COL4A2: variants seen among roughly 807,000 people sequenced by gnomAD.
COL4A2 encodes the protein collagen type IV alpha 2 chain.
In COL4A2, 99 loss-of-function variants were observed where a neutral mutation model predicts 200.2. The observed-to-expected ratio is 0.49, with a 90% CI of 0.42 to 0.58. COL4A2 has a LOEUF of 0.58. Ranked by LOEUF, COL4A2 falls within the 20% of genes least tolerant of loss-of-function variation. The probability of loss-of-function intolerance (pLI) is 0.00; values close to 1 mark genes in which losing one functional copy is unlikely to be tolerated. For synonymous variants in COL4A2, 897 were observed against 900.6 expected (o/e 1.00, Z 0.07); for missense variants, 1,950 against 2,314.1 (o/e 0.84, Z 3.23).
chr13:110,508,419 C>T lies in COL4A2; in HGVS notation c.4881+198C>T, dbSNP rs1883963812. The T allele has an allele frequency of 2.4e-6, 2 of 836,380 alleles. No individual in the cohort carries two copies. Among genetic ancestry groups the T allele is most frequent in the African/African-American group, 3.4e-5 (2 of 58,154 alleles). The allele number at this position is 836,380 out of a possible 1,614,324, so 51.8% of individuals were successfully genotyped here. A position where few individuals can be genotyped will look rare whatever the true frequency, so the allele number is the denominator to read the frequency against. Reference sequence around the variant, plus strand: ...GAGCCACATGCTGGGCACAGGGCTTCCTCCACCCAGAAAGGGCTCATTAAT... The same window carrying T: ...GAGCCACATGCTGGGCACAGGGCTTTCTCCACCCAGAAAGGGCTCATTAAT... On this transcript the variant is annotated intron_variant, in intron 47 of 47. Transcript: ENST00000360467. The surrounding 1 kb of genome is among the most constrained non-coding windows in gnomAD (Gnocchi z 6.1).
chr13:110,328,577 C>A (rs1193764294), intron 3 of COL4A2: 2 of 152,322 alleles, frequency 1.3e-5, no homozygotes, highest in African/African-American at 4.8e-5. Context: ...ACACATTTAC[C>A]TTAATGGGCT....
At chr13:110,330,384 A>G (rs1214286039) in intron 3 of COL4A2, among the ~76,000 whole-genome samples, 4 of 151,818 alleles carry the variant, frequency 2.6e-5, no homozygotes, top group Admixed American at 2.6e-4. Flanking sequence ...GTCGGAATGA[A>G]GCTGGGAGGC....
chr13:110,502,807 T>G (rs138156441), intron 41 of COL4A2: 2 of 277,286 alleles, frequency 7.2e-6, no homozygotes, highest in Admixed American at 5.3e-5. Flanking sequence ...TTGCTGAGGG[T>G]TGGGGGGAGA....
At chr13:110,433,201 G>A (rs1017249305) in intron 11 of COL4A2, among the ~76,000 whole-genome samples, 57 of 152,336 alleles carry the variant, frequency 3.7e-4, no homozygotes, top group African/African-American at 1.1e-3. Flanking sequence ...CACAGCTTCC[G>A]GTTGGCTGGA....
intron 4 of COL4A2, among the ~76,000 whole-genome samples, chr13:110,406,373 A>G (rs2139435105): frequency 6.6e-6 from 1 of 152,298 alleles, no homozygotes; most frequent in East Asian, 1.9e-4. Flanking sequence ...AATACTCATC[A>G]GGGTTCACAG....
chr13:110,318,314 G>C (rs561410434), intron 3 of COL4A2, among the ~76,000 whole-genome samples: 6 of 148,662 alleles, frequency 4.0e-5, no homozygotes, highest in Admixed American at 1.3e-4. Context: ...GTGTGTGTGC[G>C]CGCGGGTATG....
intron 4 of COL4A2, among the ~76,000 whole-genome samples, chr13:110,409,406 G>A (rs1036419926): frequency 6.6e-6 from 1 of 152,238 alleles, no homozygotes; most frequent in African/African-American, 2.4e-5. Flanking sequence ...CCCTCTCCCA[G>A]TAATGCTCCT....
chr13:110,361,111 G>C (rs1296827460), intron 4 of COL4A2, among the ~76,000 whole-genome samples: 1 of 152,202 alleles, frequency 6.6e-6, no homozygotes, highest in Non-Finnish European at 1.5e-5. Context: ...ATATTCTTCT[G>C]TGTGTTACAG....
chr13:110,356,104 C>T (rs1268059732), intron 3 of COL4A2, among the ~76,000 whole-genome samples: 1 of 152,162 alleles, frequency 6.6e-6, no homozygotes, highest in Non-Finnish European at 1.5e-5. Flanking sequence ...AGCCCAATCT[C>T]CAAGTCCATC....
intron 3 of COL4A2, among the ~76,000 whole-genome samples, chr13:110,348,559 G>C (rs1463175486): frequency 6.6e-6 from 1 of 152,148 alleles, no homozygotes; most frequent in Non-Finnish European, 1.5e-5. Flanking sequence ...TTGTTCCCGA[G>C]TTGGCTTTCT....
chr13:110,473,470 CTG>C (rs1263667717), intron 29 of COL4A2: 9 of 334,852 alleles, frequency 2.7e-5, no homozygotes, highest in Non-Finnish European at 4.9e-5. Flanking sequence ...TTGGCAGAAT[CTG>C]TACAGGTGGT....
intron 39 of COL4A2, 125 bp from the exon 40 acceptor site, chr13:110,495,217 C>A: frequency 8.7e-7 from 1 of 1,144,188 alleles, no homozygotes; most frequent in Admixed American, 1.7e-5. Flanking sequence ...GCAATGCAAG[C>A]TGAAATCACC....
rs1878705052 is a variant in COL4A2, at chr13:110,385,840, T to TGTGTGGATAGGCCGTGGTTGCAGC, written c.180+28297_180+28320dup. 4.2e-5 allele frequency among the ~76,000 whole-genome samples: 2 copies of TGTGTGGATAGGCCGTGGTTGCAGC among 47,196 alleles called. 1 individual carries two copies. The highest frequency in any genetic ancestry group is 1.8e-4 in the African/African-American group (2 of 11,372). 31.0% of individuals were successfully genotyped at this position (47,196 alleles called of 152,430 possible). A position where few individuals can be genotyped will look rare whatever the true frequency, so the allele number is the denominator to read the frequency against. ...GTGTGTGGATAGGCCGTGGTTACAGTGTGTGGATAGGCCGTGGTTGCAGCG... is the reference window on the plus strand; with the variant it reads ...GTGTGTGGATAGGCCGTGGTTACAGTGTGTGGATAGGCCGTGGTTGCAGCGTGTGGATAGGCCGTGGTTGCAGCG... On this transcript the variant is annotated intron_variant, in intron 4 of 47. Coordinates refer to ENST00000360467, the MANE Select transcript of COL4A2 (RefSeq NM_001846.4).
chr13:110,449,598 G>A, intron 18 of COL4A2, 81 bp from the exon 19 acceptor site: 1 of 1,315,220 alleles, frequency 7.6e-7, no homozygotes, highest in Non-Finnish European at 1.0e-6. Flanking sequence ...TGGTAAATAT[G>A]TAGTCAATGA....
At chr13:110,437,722 G>C (rs1006914381) in intron 13 of COL4A2, among the ~76,000 whole-genome samples, 4 of 152,154 alleles carry the variant, frequency 2.6e-5, no homozygotes, top group African/African-American at 4.8e-5. Context: ...GGAACGGTGT[G>C]GGGGATAAAG....
At chr13:110,387,847 G>A (rs1001124907) in intron 4 of COL4A2, among the ~76,000 whole-genome samples, 1 of 152,192 alleles carries the variant, frequency 6.6e-6, no homozygotes, top group Non-Finnish European at 1.5e-5. Context: ...CCACCTCTGC[G>A]GAGCTCTGAC....
At chr13:110,374,182 T>C (rs1349922384) in intron 4 of COL4A2, among the ~76,000 whole-genome samples, 1 of 152,208 alleles carries the variant, frequency 6.6e-6, no homozygotes, top group African/African-American at 2.4e-5. Context: ...CCCGGGGCGA[T>C]GGGAGCACTT....
chr13:110,334,587 A>C (rs1418083456), intron 3 of COL4A2, among the ~76,000 whole-genome samples: 1 of 152,232 alleles, frequency 6.6e-6, no homozygotes, highest in Non-Finnish European at 1.5e-5. Flanking sequence ...ACACTCATTC[A>C]AGATGTTTAT....
chr13:110,477,941 A>G, intron 29 of COL4A2, 62 bp from the exon 30 acceptor site: 1 of 1,358,870 alleles, frequency 7.4e-7, no homozygotes, highest in Non-Finnish European at 9.6e-7. Flanking sequence ...GTGGAGGGAG[A>G]TGCTGTCTGT....
Sources: gnomAD v4.1 joint callset for allele counts (sites outside exome capture counted in the v4.1 genomes callset) on GRCh38, gnomAD v4.1.1 for gene constraint, Gnocchi (gnomAD v3.1) non-coding constraint, MANE v1.5 for transcripts, NCBI Gene and HGNC (gene_info 2026-07-23, HGNC 2026-07-21) for gene names.